The following CTNNA2 variants were observed in gnomAD, a reference collection of about 807,000 sequenced individuals.
The protein encoded by CTNNA2 is catenin alpha-2.
In CTNNA2, 42 loss-of-function variants were observed where a neutral mutation model predicts 101.0. That is an observed-to-expected ratio of 0.42 (90% CI 0.32 to 0.54). The LOEUF (loss-of-function observed/expected upper bound fraction) is 0.54. CTNNA2 is among the 20% of genes least tolerant of loss of function. The probability of loss-of-function intolerance (pLI) is 0.14; values close to 1 mark genes in which losing one functional copy is unlikely to be tolerated. For synonymous variants in CTNNA2, 450 were observed against 456.4 expected, an observed-to-expected ratio of 0.99 and a Z score of 0.18; for missense variants, 871 against 1,223.1, an observed-to-expected ratio of 0.71 and a Z score of 4.29.
intron 3 of CTNNA2, among the ~76,000 whole-genome samples, chr2:79,344,380 C>A (rs1300819057): frequency 1.3e-5 from 2 of 152,160 alleles, no homozygotes; most frequent in Non-Finnish European, 2.9e-5. Context: ...TTTCCATTCA[C>A]ATGGTTTAAA....
At chr2:79,411,610 A>T (rs1372046902) in intron 4 of CTNNA2, among the ~76,000 whole-genome samples, 1 of 152,106 alleles carries the variant, frequency 6.6e-6, no homozygotes, top group African/African-American at 2.4e-5. Context: ...TAAAGAAAAG[A>T]ATTTTCAACC....
intron 4 of CTNNA2, among the ~76,000 whole-genome samples, chr2:79,385,678 C>T (rs536811302): frequency 6.6e-6 from 1 of 152,018 alleles, no homozygotes; most frequent in East Asian, 1.9e-4. Context: ...TGCTCTCCCT[C>T]CCCTTGCCCA....
At chr2:80,238,563 C>T (rs1254981603) in intron 7 of CTNNA2, among the ~76,000 whole-genome samples, 5 of 151,920 alleles carry the variant, frequency 3.3e-5, no homozygotes, top group Non-Finnish European at 7.4e-5. Context: ...GCAGAGAGGC[C>T]CCTGCATAAT....
At chr2:80,080,756 C>G (rs974466762) in intron 7 of CTNNA2, among the ~76,000 whole-genome samples, 1 of 151,952 alleles carries the variant, frequency 6.6e-6, no homozygotes, top group African/African-American at 2.4e-5. Context: ...GTTTTAAAAG[C>G]TTTTAAAAGC....
At chr2:79,699,464 A>C (rs7565867) in intron 2 of CTNNA2, among the ~76,000 whole-genome samples, 12,780 of 152,074 alleles carry the variant, frequency 0.084, 573 homozygotes, top group Non-Finnish European at 0.1. Context: ...TATAAACAAT[A>C]TTATGGTGAA....
intron 7 of CTNNA2, among the ~76,000 whole-genome samples, chr2:80,333,961 G>A (rs2149267408): frequency 6.6e-6 from 1 of 152,224 alleles, no homozygotes; most frequent in Middle Eastern, 3.4e-3. Flanking sequence ...TGCTGCCTCT[G>A]CTTGCACTGC....
chr2:80,375,044 C>T (rs774237524), intron 7 of CTNNA2, among the ~76,000 whole-genome samples: 7 of 152,128 alleles, frequency 4.6e-5, no homozygotes, highest in Admixed American at 6.5e-5. Flanking sequence ...AGATTCTTCC[C>T]CACCCCAGGC....
Position 79,659,309 on chromosome 2 carries a change from T to C in CTNNA2, c.102+7651T>C, listed in dbSNP as rs528387495. 5.9e-5 allele frequency among the ~76,000 whole-genome samples: 9 copies of C among 151,326 alleles called. No homozygotes were observed. In the East Asian group the frequency reaches 1.8e-3, roughly 30 times the overall value. On this transcript the variant is annotated intron_variant, in intron 2 of 18. Coordinates refer to ENST00000402739, the MANE Select transcript of CTNNA2 (RefSeq NM_001282597.3). ...AGAATTTACTGAAATAATCAAAATATAAAGTGAGGCATCATTATAGTCATT... is the reference window on the plus strand; with the variant it reads ...AGAATTTACTGAAATAATCAAAATACAAAGTGAGGCATCATTATAGTCATT...
chr2:80,644,551 G>A (rs1019508350), intron 18 of CTNNA2, among the ~76,000 whole-genome samples: 1 of 152,138 alleles, frequency 6.6e-6, no homozygotes, highest in African/African-American at 2.4e-5. Context: ...TCTTGGAAAG[G>A]CATAAAGAAA....
intron 1 of CTNNA2, among the ~76,000 whole-genome samples, chr2:79,518,168 A>G (rs1671904070): frequency 6.6e-6 from 1 of 152,230 alleles, no homozygotes; most frequent in Non-Finnish European, 1.5e-5. Context: ...TAAAAAAGTA[A>G]TATAAATCAT....
chr2:80,577,029 G>A (rs1026008203), intron 13 of CTNNA2, among the ~76,000 whole-genome samples: 3 of 152,036 alleles, frequency 2.0e-5, no homozygotes, highest in Non-Finnish European at 4.4e-5. Context: ...GTTAATCAAC[G>A]TGGCCTCTTA....
chr2:79,462,356 G>T (rs1284205779), intron 4 of CTNNA2, among the ~76,000 whole-genome samples: 1 of 152,220 alleles, frequency 6.6e-6, no homozygotes, highest in Non-Finnish European at 1.5e-5. Flanking sequence ...CAAAGAAAGA[G>T]TGTTCTAGGC....
chr2:79,999,576 T>C (rs767898106), intron 7 of CTNNA2, among the ~76,000 whole-genome samples: 64 of 152,234 alleles, frequency 4.2e-4, no homozygotes, highest in African/African-American at 1.5e-3. Context: ...TGCTTGACGC[T>C]CTTCTATACA....
chr2:79,890,621 GA>G (rs1684233619), intron 6 of CTNNA2, among the ~76,000 whole-genome samples: 2 of 151,698 alleles, frequency 1.3e-5, no homozygotes, highest in South Asian at 4.2e-4. Flanking sequence ...TGATCGTCTG[GA>G]TATTATTTTC....
chr2:79,700,797 T>C (rs896137420), intron 2 of CTNNA2, among the ~76,000 whole-genome samples: 1 of 152,224 alleles, frequency 6.6e-6, no homozygotes. Flanking sequence ...TAGGCTGTTC[T>C]ACTGAATCAT....
At chr2:80,414,204 G>T (rs918645669) in intron 8 of CTNNA2, among the ~76,000 whole-genome samples, 3 of 152,166 alleles carry the variant, frequency 2.0e-5, no homozygotes, top group Admixed American at 1.3e-4. Flanking sequence ...GTGTTGAAAA[G>T]GATTATAAAG....
chr2:80,318,730 A>T (rs938943803), intron 7 of CTNNA2, among the ~76,000 whole-genome samples: 2 of 152,240 alleles, frequency 1.3e-5, no homozygotes, highest in African/African-American at 4.8e-5. Flanking sequence ...AGTAAATTTA[A>T]AAACAAACTA....
At chr2:80,276,114 G>A (rs1417543928) in intron 7 of CTNNA2, among the ~76,000 whole-genome samples, 1 of 152,180 alleles carries the variant, frequency 6.6e-6, no homozygotes, top group Non-Finnish European at 1.5e-5. Context: ...TTCTGATACA[G>A]GAAGAGATAG....
intron 1 of CTNNA2, among the ~76,000 whole-genome samples, chr2:79,526,544 G>A (rs1247238252): frequency 2.6e-5 from 4 of 151,852 alleles, no homozygotes; most frequent in African/African-American, 9.7e-5. Flanking sequence ...GGTGAACAAA[G>A]TTGGAAGACA....
Sources: allele counts gnomAD v4.1 joint callset (sites outside exome capture counted in the v4.1 genomes callset), GRCh38; gene constraint gnomAD v4.1.1; transcripts MANE v1.5; gene names NCBI Gene and HGNC (gene_info 2026-07-23, HGNC 2026-07-21).